NOL4L: variants seen among roughly 807,000 people sequenced by gnomAD.
NOL4L encodes nucleolar protein 4-like.
NOL4L carries 7 observed loss-of-function variants against 64.5 expected under a neutral mutation model. The ratio of observed to expected loss-of-function variants is 0.11; its 90% CI spans 0.06 to 0.20. The LOEUF is 0.20. Ranked by LOEUF, NOL4L falls within the 10% of genes least tolerant of loss-of-function variation. NOL4L has a pLI of 1.00. For missense variants in NOL4L, 680 were observed against 967.1 expected (o/e 0.70, Z 3.94); for synonymous variants, 413 against 401.0 (o/e 1.03, Z -0.36).
intron 4 of NOL4L, among the ~76,000 whole-genome samples, chr20:32,497,142 C>T (rs1289680106): frequency 6.6e-6 from 1 of 151,678 alleles, no homozygotes; most frequent in Non-Finnish European, 1.5e-5. Context: ...TTCCAGTCCA[C>T]CCAAAGCCAT....
rs530894221 is a variant in NOL4L, at chr20:32,578,991, T to C, written c.321+5579A>G. Among the ~76,000 whole-genome samples, 12 of 152,314 alleles carry C rather than the reference T, an allele frequency of 7.9e-5. No individual in the cohort carries two copies. The South Asian group carries it at 2.3e-3, about 29-fold the overall frequency. On this transcript the variant is annotated intron_variant, in intron 1 of 10. Transcript: ENST00000621426. The stretch of plus-strand genomic sequence containing the variant: ...GACGGGGGTATGGCACCACCTCTTA[T>C]GGCCACCTCTTGGCTTCAGCCAGCT...
chr20:32,460,021 AC>A lies in NOL4L; in HGVS notation c.842-3627del. Among the ~76,000 whole-genome samples the A allele has an allele frequency of 6.6e-6, 1 of 152,324 alleles. No individual in the cohort carries two copies. Among genetic ancestry groups the A allele is most frequent in the African/African-American group, 2.4e-5 (1 of 41,564 alleles). ...AAGGATACTCAGTGATTCCACTTCT[AC>A]GCAGCATCTGGAACAGGCAAATTCA... On this transcript the variant is annotated intron_variant, in intron 5 of 10. Transcript: ENST00000621426. This position sits in a 1 kb window ranked among gnomAD's most constrained non-coding sequence, Gnocchi z 5.7.
Position 32,483,316 on chromosome 20 carries a change from G to A in NOL4L, c.700-8574C>T, listed in dbSNP as rs1383245457. 3 of 964,240 alleles carry A rather than the reference G, an allele frequency of 3.1e-6. No homozygotes were observed. In the East Asian group the frequency reaches 3.5e-4, roughly 113 times the overall value. 59.7% of individuals were successfully genotyped at this position (964,240 alleles called of 1,614,324 possible). ...CCGGAGAAGGGGGGCGGCGGCCCGG[G>A]CCCCGGAAACGGCCCGATCGCCGGG... On this transcript the variant is annotated intron_variant, in intron 4 of 10. Transcript: ENST00000621426.
At chr20:32,568,748 T>A (rs1853171734) in intron 1 of NOL4L, among the ~76,000 whole-genome samples, 1 of 152,220 alleles carries the variant, frequency 6.6e-6, no homozygotes, top group South Asian at 2.1e-4. Context: ...TTGATGGGGC[T>A]TGAGGCCCAT....
chr20:32,584,133 GCACACA>G (rs745461984), intron 1 of NOL4L, among the ~76,000 whole-genome samples: 91 of 88,816 alleles, frequency 1.0e-3, no homozygotes, highest in East Asian at 2.1e-3. Flanking sequence ...CTCCGCGCGC[GCACACA>G]CACACACACA....
chr20:32,578,423 T>C (rs534864955), intron 1 of NOL4L, among the ~76,000 whole-genome samples: 1 of 152,286 alleles, frequency 6.6e-6, no homozygotes, highest in South Asian at 2.1e-4. Context: ...TCTCCCTCTG[T>C]CACCCAGGCT....
At chr20:32,541,238 A>C (rs1407431094) in intron 1 of NOL4L, among the ~76,000 whole-genome samples, 2 of 152,168 alleles carry the variant, frequency 1.3e-5, no homozygotes, top group Admixed American at 6.6e-5. Flanking sequence ...CACAGTAGGC[A>C]CTCGACAACT....
At chr20:32,480,435 G>A (rs1327912860) in intron 4 of NOL4L, among the ~76,000 whole-genome samples, 3 of 152,160 alleles carry the variant, frequency 2.0e-5, no homozygotes, top group African/African-American at 4.8e-5. Flanking sequence ...AGGCTTGTTC[G>A]ACAGGAGGCT....
At chr20:32,452,643 G>T (rs553451020) in intron 9 of NOL4L, among the ~76,000 whole-genome samples, 2 of 152,146 alleles carry the variant, frequency 1.3e-5, no homozygotes, top group Non-Finnish European at 2.9e-5. Context: ...CCCTGTCAGC[G>T]TATTTGATCA....
At chr20:32,563,826 C>T (rs775414177) in intron 1 of NOL4L, among the ~76,000 whole-genome samples, 3 of 152,178 alleles carry the variant, frequency 2.0e-5, no homozygotes, top group Non-Finnish European at 4.4e-5. Context: ...TGGGACATTG[C>T]CTGGTCTCCC....
Position 32,509,940 on chromosome 20 carries a change from G to C in NOL4L, c.699+1407C>G, listed in dbSNP as rs1242516233. ...CCAGGTGCCGGAGACAGTGAGGATG[G>C]CTACAGGAAAGAAAGGCCACAGATT... On this transcript the variant is annotated intron_variant, in intron 4 of 10. Coordinates refer to ENST00000621426, the MANE Select transcript of NOL4L (RefSeq NM_001256798.2). The C allele has an allele frequency of 3.1e-6, 4 of 1,304,048 alleles. No homozygotes were observed. In the Admixed American group the frequency reaches 9.2e-5, roughly 30 times the overall value. The allele number at this position is 1,304,048 out of a possible 1,614,324, so 80.8% of individuals were successfully genotyped here.
At position 32,474,695 on chromosome 20, in the gene NOL4L, T is replaced by C. The variant is rs1295227499; in HGVS notation, c.747A>G (p.Thr249=). Residue 249 remains threonine, a synonymous_variant, in exon 5 of 11, where the codon ACA becomes ACG. Coordinates refer to ENST00000621426, the MANE Select transcript of NOL4L (RefSeq NM_001256798.2). The stretch of plus-strand genomic sequence containing the variant: ...CCAGGTGCGGGTCAGCTGACATCCA[T>C]GTGGAGTCGCTCATATCAAAATCCT... ...SSEDFDMSDS[T]WMSADPHLAS... The C allele has an allele frequency of 2.5e-6, 4 of 1,613,780 alleles. No homozygotes were observed. The South Asian group carries it at 3.3e-5, about 13-fold the overall frequency.
rs546952794 is a variant in NOL4L, at chr20:32,513,905, T to G, written c.590-2449A>C. On this transcript the variant is annotated intron_variant, in intron 3 of 10. Coordinates refer to ENST00000621426, the MANE Select transcript of NOL4L (RefSeq NM_001256798.2). ...AAGGCAAGTTTTTGTGCTGTAAATG[T>G]TTTACCATAATTTAAAAAGGAAAAA... Among the ~76,000 whole-genome samples, 108 of 152,140 alleles carry G rather than the reference T, an allele frequency of 7.1e-4. 1 individual carries two copies. Among genetic ancestry groups the G allele is most frequent in the African/African-American group, 2.6e-3 (106 of 41,512 alleles).
At chr20:32,513,357 G>A (rs1023620948) in intron 3 of NOL4L, among the ~76,000 whole-genome samples, 4 of 152,144 alleles carry the variant, frequency 2.6e-5, no homozygotes, top group Non-Finnish European at 4.4e-5. Context: ...GACATAAAAC[G>A]ACAACCACTG....
intron 1 of NOL4L, among the ~76,000 whole-genome samples, chr20:32,547,516 C>A (rs968453900): frequency 6.6e-6 from 1 of 151,998 alleles, no homozygotes; most frequent in Non-Finnish European, 1.5e-5. Flanking sequence ...GTCTTGAACT[C>A]CTGGGCTCAA....
Position 32,452,253 on chromosome 20 carries a change from G to A in NOL4L, c.1805C>T (p.Thr602Ile), listed in dbSNP as rs750459964. Residue 602 changes from threonine (T) to isoleucine (I), a missense_variant, in exon 10 of 11, where the codon ACA becomes ATA. Thr to Ile is a moderately conservative substitution (Grantham distance 89, BLOSUM62 -1). Transcript: ENST00000621426. Reference protein sequence around the residue: ...SNLQPPASLQTGNHSNGPTDL... With the variant: ...SNLQPPASLQIGNHSNGPTDL... ...CGACTCACCATTACTGTGGTTTCCT[G>A]TTTGGAGGGAGGCAGGGGGCTGCAG... 4 of 1,569,912 alleles carry A rather than the reference G, an allele frequency of 2.5e-6. No homozygotes were observed. The highest frequency in any genetic ancestry group is 3.5e-6 in the Non-Finnish European group (4 of 1,156,372).
chr20:32,576,730 C>T (rs1342236968), intron 1 of NOL4L, among the ~76,000 whole-genome samples: 3 of 152,330 alleles, frequency 2.0e-5, no homozygotes, highest in Admixed American at 6.5e-5. Flanking sequence ...CGTCTGCTAG[C>T]CCAGCAGCCC....
rs2145574661 is a variant in NOL4L, at chr20:32,521,731, C to T, written c.478-809G>A. On this transcript the variant is annotated intron_variant, in intron 2 of 10. Transcript: ENST00000621426. ...GTGGGCCTAGGTGTCCAGCCCTTTCCTCTTGCTCTGGGTTTTGGAAAAGCC... is the reference window on the plus strand; with the variant it reads ...GTGGGCCTAGGTGTCCAGCCCTTTCTTCTTGCTCTGGGTTTTGGAAAAGCC... Among the ~76,000 whole-genome samples the T allele has an allele frequency of 1.3e-5, 2 of 152,298 alleles. 1 individual carries two copies. Among genetic ancestry groups the T allele is most frequent in the South Asian group, 4.1e-4 (2 of 4,820 alleles).
chr20:32,452,608 G>A (rs908068237), intron 9 of NOL4L, among the ~76,000 whole-genome samples, 171 bp from the exon 10 acceptor site: 1 of 152,124 alleles, frequency 6.6e-6, no homozygotes, highest in African/African-American at 2.4e-5. Flanking sequence ...TTCCCCCCGG[G>A]GGCTTTCCCC....
Sources: allele counts gnomAD v4.1 joint callset (sites outside exome capture counted in the v4.1 genomes callset), GRCh38; gene constraint gnomAD v4.1.1; non-coding constraint Gnocchi (gnomAD v3.1); transcripts MANE v1.5; gene names NCBI Gene and HGNC (gene_info 2026-07-23, HGNC 2026-07-21).